Variants in ARHGAP10 observed in about 807,000 individuals in gnomAD.
ARHGAP10 encodes the protein Rho GTPase activating protein 10, also known as rho GTPase-activating protein 10.
In ARHGAP10, 87 loss-of-function variants were observed where a neutral mutation model predicts 108.6. The ratio of observed to expected loss-of-function variants is 0.80; its 90% CI spans 0.67 to 0.96. ARHGAP10 has a LOEUF of 0.96. ARHGAP10 is among the 40% of genes least tolerant of loss of function. The probability of loss-of-function intolerance (pLI) is 0.00; values close to 1 mark genes in which losing one functional copy is unlikely to be tolerated. For missense variants in ARHGAP10, 939 were observed against 954.5 expected, an observed-to-expected ratio of 0.98 and a Z score of 0.21; for synonymous variants, 347 against 341.1, an observed-to-expected ratio of 1.02 and a Z score of -0.19.
intron 1 of ARHGAP10, among the ~76,000 whole-genome samples, chr4:147,821,037 G>T (rs1464181522): frequency 2.0e-5 from 3 of 152,142 alleles, no homozygotes; most frequent in Non-Finnish European, 4.4e-5. Context: ...CCTCCAAACA[G>T]CCTCATGCAT....
intron 1 of ARHGAP10, among the ~76,000 whole-genome samples, chr4:147,795,751 G>A (rs1032931656): frequency 2.9e-4 from 44 of 149,308 alleles, no homozygotes; most frequent in Middle Eastern, 3.2e-3. Flanking sequence ...CTGGAGTGCT[G>A]TGGCGTGATC....
intron 18 of ARHGAP10, among the ~76,000 whole-genome samples, chr4:147,993,342 C>T (rs753921222): frequency 2.1e-4 from 32 of 152,140 alleles, no homozygotes; most frequent in East Asian, 3.9e-4. Flanking sequence ...GTAATTGATT[C>T]GGCTAGGTGA....
At chr4:148,022,161 T>G (rs1369605043) in intron 18 of ARHGAP10, among the ~76,000 whole-genome samples, 1 of 152,180 alleles carries the variant, frequency 6.6e-6, no homozygotes, top group Non-Finnish European at 1.5e-5. Flanking sequence ...TGTTTTTAAA[T>G]TATACATGTG....
At position 147,757,109 on chromosome 4, in the gene ARHGAP10, G is replaced by A. The variant is rs111411181; in HGVS notation, c.154+24654G>A. On this transcript the variant is annotated intron_variant, in intron 1 of 22. Transcript: ENST00000336498. ...TTACGGAAAAATATAAATCAAAGATGATAATCTTTTCAGCTTAGGAGATGA... is the reference window on the plus strand; with the variant it reads ...TTACGGAAAAATATAAATCAAAGATAATAATCTTTTCAGCTTAGGAGATGA... 9.6e-3 allele frequency among the ~76,000 whole-genome samples: 1,447 copies of A among 150,644 alleles called. 29 individuals carry two copies. The highest frequency in any genetic ancestry group is 0.033 in the African/African-American group (1,362 of 41,110).
At chr4:147,905,823 C>A (rs1036554169) in intron 10 of ARHGAP10, among the ~76,000 whole-genome samples, 1 of 151,754 alleles carries the variant, frequency 6.6e-6, no homozygotes. Flanking sequence ...TTACCTTGGG[C>A]AGTATGGCCA....
chr4:147,939,117 T>G lies in ARHGAP10; in HGVS notation c.1229-708T>G, dbSNP rs150115906. 3.1e-4 allele frequency among the ~76,000 whole-genome samples: 47 copies of G among 152,326 alleles called. 2 individuals carry two copies. The highest frequency in any genetic ancestry group is 2.0e-3 in the Admixed American group (31 of 15,294). On this transcript the variant is annotated intron_variant, in intron 13 of 22. Coordinates refer to ENST00000336498, the MANE Select transcript of ARHGAP10 (RefSeq NM_024605.4). ...TTTGCTAATTGCATCAAAAATGTCT[T>G]TTCGTCATTGATTTGTTCAGATCAG...
In ARHGAP10 at chr4:148,072,215, CAG is replaced by C; in HGVS notation, c.*135_*136del. ...ACTTGGGAGTTACCATCATCACAGT[CAG>C]CCCTGGGGGTGGGGGGTGGTGGGCA... is the stretch of plus-strand genomic sequence containing the variant. On this transcript the variant is annotated 3_prime_UTR_variant, in exon 23 of 23. Transcript: ENST00000336498. 9.7e-6 allele frequency: 6 copies of C among 619,358 alleles called. No individual in the cohort carries two copies. The highest frequency in any genetic ancestry group is 1.9e-5 in the African/African-American group (1 of 53,162). 38.4% of individuals were successfully genotyped at this position (619,358 alleles called of 1,614,324 possible). A position where few individuals can be genotyped will look rare whatever the true frequency, so the allele number is the denominator to read the frequency against.
At chr4:147,855,575 T>C (rs1056208531) in intron 4 of ARHGAP10, among the ~76,000 whole-genome samples, 2 of 152,090 alleles carry the variant, frequency 1.3e-5, no homozygotes, top group East Asian at 1.9e-4. Flanking sequence ...TTTCTACACA[T>C]GGGTGAACCA....
intron 19 of ARHGAP10, among the ~76,000 whole-genome samples, chr4:148,027,160 A>T (rs1476391863): frequency 1.3e-5 from 2 of 152,220 alleles, no homozygotes; most frequent in African/African-American, 4.8e-5. Context: ...CTCTTTCTTC[A>T]TGCTAGTTCT....
At chr4:147,809,442 A>C (rs1208860200) in intron 1 of ARHGAP10, among the ~76,000 whole-genome samples, 1 of 152,172 alleles carries the variant, frequency 6.6e-6, no homozygotes, top group East Asian at 1.9e-4. Flanking sequence ...TCATCCAGAC[A>C]GGATAACTTA....
intron 1 of ARHGAP10, among the ~76,000 whole-genome samples, chr4:147,769,075 G>C (rs571761888): frequency 6.6e-6 from 1 of 152,104 alleles, no homozygotes; most frequent in African/African-American, 2.4e-5. Context: ...ACATAAAAAA[G>C]GGCAGAAATG....
intron 20 of ARHGAP10, 80 bp from the exon 21 acceptor site, chr4:148,063,068 A>G (rs1729692610): frequency 5.3e-6 from 8 of 1,522,744 alleles, no homozygotes; most frequent in Non-Finnish European, 7.2e-6. Context: ...TGACCTAGTC[A>G]TCTGGGATTG....
chr4:147,863,378 T>G (rs1486280451), intron 5 of ARHGAP10: 3 of 152,370 alleles, frequency 2.0e-5, no homozygotes, highest in Admixed American at 1.3e-4. Flanking sequence ...TTTATTTCAC[T>G]TAGCCTGATG....
chr4:147,964,382 T>G (rs1739124875), intron 16 of ARHGAP10, among the ~76,000 whole-genome samples: 1 of 152,198 alleles, frequency 6.6e-6, no homozygotes, highest in South Asian at 2.1e-4. Context: ...TCCCCGTTCT[T>G]CCTCTGCCTC....
rs770630014 is a variant in ARHGAP10 at position 147,913,165 on chromosome 4, A to G, written c.1228+26A>G. 5 of 1,595,746 alleles carry G rather than the reference A, an allele frequency of 3.1e-6. No homozygotes were observed. In the South Asian group the frequency reaches 4.4e-5, roughly 14 times the overall value. On this transcript the variant is annotated intron_variant, in intron 13 of 22. Coordinates refer to ENST00000336498, the MANE Select transcript of ARHGAP10 (RefSeq NM_024605.4). ...GTAATATGATTGAATCATTTCATTC[A>G]TGAGAGGCTATAGGTATGTAAAATC...
chr4:147,893,097 C>G (rs1430172067), intron 10 of ARHGAP10, among the ~76,000 whole-genome samples: 1 of 151,908 alleles, frequency 6.6e-6, no homozygotes, highest in Non-Finnish European at 1.5e-5. Context: ...CTTGCCCTGT[C>G]CCCCAGGCTG....
chr4:147,817,563 T>C (rs1344033262), intron 1 of ARHGAP10, among the ~76,000 whole-genome samples: 2 of 152,224 alleles, frequency 1.3e-5, no homozygotes, highest in Non-Finnish European at 2.9e-5. Flanking sequence ...ATCCTACCTC[T>C]CAAACTCAGC....
At chr4:147,899,901 C>T (rs1306830985) in intron 10 of ARHGAP10, among the ~76,000 whole-genome samples, 22 of 146,518 alleles carry the variant, frequency 1.5e-4, no homozygotes, top group African/African-American at 5.5e-4. Context: ...TCCTTTTCAA[C>T]ATTCCTCTTA....
chr4:147,823,284 T>C (rs1732579443), intron 3 of ARHGAP10, among the ~76,000 whole-genome samples: 1 of 152,196 alleles, frequency 6.6e-6, no homozygotes, highest in Non-Finnish European at 1.5e-5. Context: ...AGAAGCTTAA[T>C]ATATCAGCGG....
Sources: allele counts gnomAD v4.1 joint callset (sites outside exome capture counted in the v4.1 genomes callset), GRCh38; gene constraint gnomAD v4.1.1; transcripts MANE v1.5; gene names NCBI Gene and HGNC (gene_info 2026-07-23, HGNC 2026-07-21).